The following FNBP1L variants were observed in gnomAD, a reference collection of about 807,000 sequenced individuals.
The protein encoded by FNBP1L is formin-binding protein 1-like.
In FNBP1L, 36 loss-of-function variants were observed where a neutral mutation model predicts 91.2. That is an observed-to-expected ratio of 0.39 (90% CI 0.30 to 0.52). The LOEUF is 0.52. Among genes scored for constraint, FNBP1L ranks in the 20% least tolerant of loss-of-function variants. The pLI, the probability that FNBP1L is intolerant of heterozygous loss-of-function variation, is 0.66. For missense variants in FNBP1L, 571 were observed against 732.1 expected (o/e 0.78, Z 2.54); for synonymous variants, 242 against 237.0 (o/e 1.02, Z -0.19).
chr1:93,448,794 C>A (rs1668371191), intron 1 of FNBP1L, among the ~76,000 whole-genome samples: 1 of 152,154 alleles, frequency 6.6e-6, no homozygotes, highest in South Asian at 2.1e-4. Flanking sequence ...TAGGGCGTCG[C>A]CCGTCTGGGG....
At chr1:93,549,166 G>T in intron 14 of FNBP1L, 112 bp from the exon 15 acceptor site, 1 of 755,592 alleles carries the variant, frequency 1.3e-6, no homozygotes, top group Non-Finnish European at 1.9e-6. Context: ...AGTGGAAACT[G>T]TGTCATTAAT....
chr1:93,471,045 A>G (rs1268948865), intron 1 of FNBP1L, among the ~76,000 whole-genome samples: 2 of 152,152 alleles, frequency 1.3e-5, no homozygotes, highest in South Asian at 2.1e-4. Flanking sequence ...TAGTGATGCA[A>G]AATTACAAAT....
At chr1:93,533,274 AAAG>A (rs1387750491) in intron 8 of FNBP1L, among the ~76,000 whole-genome samples, 2 of 151,654 alleles carry the variant, frequency 1.3e-5, no homozygotes, top group Non-Finnish European at 2.9e-5. Flanking sequence ...AAAAAAAAAA[AAAG>A]ATTTCTAACT....
At chr1:93,463,459 A>T (rs771747959) in intron 1 of FNBP1L, among the ~76,000 whole-genome samples, 3 of 152,184 alleles carry the variant, frequency 2.0e-5, no homozygotes, top group Non-Finnish European at 4.4e-5. Context: ...TTGAAAAACC[A>T]TAAGTTGGGG....
chr1:93,532,711 AGTGCCTTACTATTTTT>A (rs1170358634), intron 7 of FNBP1L, among the ~76,000 whole-genome samples, 195 bp from the exon 8 acceptor site: 1 of 152,104 alleles, frequency 6.6e-6, no homozygotes, highest in Non-Finnish European at 1.5e-5. Flanking sequence ...AACAATACTA[AGTGCCTTACTATTTTT>A]TTTCTTTCTT....
At chr1:93,492,791 A>T (rs1270707706) in intron 1 of FNBP1L, among the ~76,000 whole-genome samples, 1 of 152,068 alleles carries the variant, frequency 6.6e-6, no homozygotes, top group Non-Finnish European at 1.5e-5. Context: ...TCTCTTAAAA[A>T]CCTAAAAAAT....
At chr1:93,451,961 A>G (rs146483487) in intron 1 of FNBP1L, among the ~76,000 whole-genome samples, 53 of 152,258 alleles carry the variant, frequency 3.5e-4, no homozygotes, top group African/African-American at 1.1e-3. Context: ...TCATCATATT[A>G]TTAACTAAAT....
At position 93,534,711 on chromosome 1, in the gene FNBP1L, C is replaced by G; in HGVS notation, c.793C>G (p.Gln265Glu). 6.4e-7 allele frequency: 1 copy of G among 1,563,002 alleles called. No homozygotes were observed. Among genetic ancestry groups the G allele is most frequent in the Non-Finnish European group, 8.7e-7 (1 of 1,151,324 alleles). ...AKSVDERRDS[Q>E]MVVDSFKSGF... ...CCTAGTTTCTTTTGTATAGGACTCT[C>G]AAATGGTGGTAGACTCCTTCAAATC... is the stretch of plus-strand genomic sequence containing the variant. Residue 265 changes from glutamine to glutamate, a missense_variant, in exon 9 of 17, where the codon CAA (glutamine) becomes GAA (glutamate). By Grantham distance (29) the Gln-to-Glu change is conservative. Coordinates refer to ENST00000271234, the MANE Select transcript of FNBP1L (RefSeq NM_001164473.3).
At chr1:93,487,804 C>T (rs746052913) in intron 1 of FNBP1L, among the ~76,000 whole-genome samples, 9 of 152,174 alleles carry the variant, frequency 5.9e-5, no homozygotes, top group African/African-American at 2.2e-4. Flanking sequence ...TCATCAATTC[C>T]TTGACCTCTG....
intron 1 of FNBP1L, among the ~76,000 whole-genome samples, chr1:93,475,229 A>C (rs1002614185): frequency 6.6e-6 from 1 of 152,088 alleles, no homozygotes; most frequent in Non-Finnish European, 1.5e-5. Flanking sequence ...AGCTTTACAT[A>C]TTCTGAAAAT....
intron 15 of FNBP1L, among the ~76,000 whole-genome samples, chr1:93,550,200 G>A (rs949773102): frequency 3.3e-5 from 5 of 152,146 alleles, no homozygotes; most frequent in African/African-American, 1.2e-4. Flanking sequence ...TTAAGACCTT[G>A]CAGCCAAGTG....
At chr1:93,545,916 A>C (rs553314121) in intron 12 of FNBP1L, among the ~76,000 whole-genome samples, 2 of 152,224 alleles carry the variant, frequency 1.3e-5, no homozygotes, top group African/African-American at 4.8e-5. Flanking sequence ...GTTTAGGGCA[A>C]AGATAAAGAT....
rs373133360 is a variant in FNBP1L at position 93,522,041 on chromosome 1, T to C, written c.141-41T>C. Reference sequence around the variant, plus strand: ...TAGACTATTTCAATTGTAACAATAGTTGAAATTTTTAATAAACTTTAAAAA... The same window carrying C: ...TAGACTATTTCAATTGTAACAATAGCTGAAATTTTTAATAAACTTTAAAAA... On this transcript the variant is annotated intron_variant, in intron 2 of 16. Transcript: ENST00000271234. 3.0e-5 allele frequency: 39 copies of C among 1,281,010 alleles called. No individual in the cohort carries two copies. In the African/African-American group the frequency reaches 5.9e-4, roughly 19 times the overall value. 79.4% of individuals were successfully genotyped at this position (1,281,010 alleles called of 1,614,324 possible).
chr1:93,494,396 C>T (rs1050771607), intron 1 of FNBP1L, among the ~76,000 whole-genome samples: 1 of 152,132 alleles, frequency 6.6e-6, no homozygotes, highest in South Asian at 2.1e-4. Flanking sequence ...ATGGGGGCTC[C>T]ATTACATAGG....
intron 2 of FNBP1L, among the ~76,000 whole-genome samples, chr1:93,500,568 GGTCTCCTTTA>G (rs1309205439): frequency 6.7e-6 from 1 of 149,274 alleles, no homozygotes; most frequent in African/African-American, 2.6e-5. Context: ...ACTAGCAGAG[GGTCTCCTTTA>G]GTCATACTGA....
chr1:93,523,540 C>T, intron 4 of FNBP1L, 49 bp downstream of exon 4: 1 of 1,475,754 alleles, frequency 6.8e-7, no homozygotes, highest in Non-Finnish European at 9.1e-7. Context: ...GAAATAGTCA[C>T]ACAGAAACAC....
At chr1:93,481,089 G>A (rs1276923003) in intron 1 of FNBP1L, among the ~76,000 whole-genome samples, 3 of 152,134 alleles carry the variant, frequency 2.0e-5, no homozygotes, top group African/African-American at 4.8e-5. Flanking sequence ...ATGCTCCAGC[G>A]GAAGAAGCAC....
intron 10 of FNBP1L, among the ~76,000 whole-genome samples, chr1:93,538,032 C>A (rs61784070): frequency 0.021 from 3,263 of 152,040 alleles, 51 homozygotes; most frequent in Middle Eastern, 0.061. Context: ...TTACATAAAT[C>A]ATGAGAAATT....
chr1:93,460,289 A>G lies in FNBP1L; in HGVS notation c.24+11984A>G, dbSNP rs376625712. The stretch of plus-strand genomic sequence containing the variant: ...ATTTGCCCTTTTGGTGTGTGACGAC[A>G]TAGCACCAAGGCGCTGTCTTGGAAG... On this transcript the variant is annotated intron_variant, in intron 1 of 16. Coordinates refer to ENST00000271234, the MANE Select transcript of FNBP1L (RefSeq NM_001164473.3). Among the ~76,000 whole-genome samples the G allele has an allele frequency of 2.8e-4, 43 of 152,290 alleles. No homozygotes were observed. The South Asian group carries it at 5.2e-3, about 18-fold the overall frequency.
Sources: allele counts gnomAD v4.1 joint callset (sites outside exome capture counted in the v4.1 genomes callset), GRCh38; gene constraint gnomAD v4.1.1; transcripts MANE v1.5; gene names NCBI Gene and HGNC (gene_info 2026-07-23, HGNC 2026-07-21).